Variants in ZCWPW2 observed in about 807,000 individuals in gnomAD.
ZCWPW2 encodes the protein zinc finger CW-type and PWWP domain containing 2.
A neutral mutation model predicts 46.6 loss-of-function variants in ZCWPW2; 45 were observed. The ratio of observed to expected loss-of-function variants is 0.96; its 90% CI spans 0.76 to 1.24. The LOEUF (loss-of-function observed/expected upper bound fraction) is 1.24. Ranked by LOEUF, ZCWPW2 falls within the 50% of genes most tolerant of loss-of-function variation. The probability of loss-of-function intolerance (pLI) is 0.00; values close to 1 mark genes in which losing one functional copy is unlikely to be tolerated. For synonymous variants in ZCWPW2, 152 were observed against 137.1 expected, an observed-to-expected ratio of 1.11 and a Z score of -0.76; for missense variants, 429 against 403.9, an observed-to-expected ratio of 1.06 and a Z score of -0.53.
chr3:28,370,386 G>A (rs1423673734), intron 1 of ZCWPW2, among the ~76,000 whole-genome samples: 5 of 152,176 alleles, frequency 3.3e-5, no homozygotes. Context: ...ATAAGTTGTG[G>A]TATATTTTCA....
intron 6 of ZCWPW2, among the ~76,000 whole-genome samples, chr3:28,501,071 A>T (rs527506146): frequency 6.6e-6 from 1 of 152,212 alleles, no homozygotes; most frequent in African/African-American, 2.4e-5. Context: ...GTTTTCAGAG[A>T]AGAAATTTTC....
Position 28,413,288 on chromosome 3 carries a change from T to A in ZCWPW2, c.220T>A (p.Ser74Thr), listed in dbSNP as rs765886832. The change falls in exon 3 of 10, where the codon TCT becomes ACT. Residue 74 changes from serine (S) to threonine (T), a missense_variant. Physicochemically the swap from Ser to Thr is moderately conservative, Grantham distance 58 (BLOSUM62 1). Coordinates refer to ENST00000383768, the MANE Select transcript of ZCWPW2 (RefSeq NM_001040432.4). The stretch of plus-strand genomic sequence containing the variant: ...TTCAAGATATAATAACTGCTCAATT[T>A]CTGAAGAAGACTTCCCTGAAGAGTC... Reference protein sequence around the residue: ...TDSRYNNCSISEEDFPEESQL... With the variant: ...TDSRYNNCSITEEDFPEESQL... 1 of 1,613,288 alleles carries A rather than the reference T, an allele frequency of 6.2e-7. No individual in the cohort carries two copies. Among genetic ancestry groups the A allele is most frequent in the East Asian group, 2.2e-5 (1 of 44,822 alleles).
chr3:28,507,512 T>A (rs4339073), intron 6 of ZCWPW2, among the ~76,000 whole-genome samples: 1 of 150,804 alleles, frequency 6.6e-6, no homozygotes, highest in Admixed American at 6.6e-5. Context: ...TTTGAGATGG[T>A]GTCTCCCTTT....
intron 1 of ZCWPW2, among the ~76,000 whole-genome samples, chr3:28,350,185 C>A (rs1489992285): frequency 6.6e-6 from 1 of 152,032 alleles, no homozygotes; most frequent in African/African-American, 2.4e-5. Flanking sequence ...TTTAAAACAA[C>A]CATTAGGTGT....
chr3:28,494,790 A>G (rs1699930271), intron 6 of ZCWPW2, among the ~76,000 whole-genome samples: 1 of 140,100 alleles, frequency 7.1e-6, no homozygotes, highest in South Asian at 2.5e-4. Context: ...AACAACAGAC[A>G]AACAGAGAGC....
chr3:28,389,587 CAAT>C (rs1271417244), intron 1 of ZCWPW2, among the ~76,000 whole-genome samples: 12 of 152,046 alleles, frequency 7.9e-5, no homozygotes, highest in Non-Finnish European at 1.3e-4. Flanking sequence ...AATCAGAGAC[CAAT>C]TACAGAATTC....
intron 6 of ZCWPW2, 46 bp from the exon 7 acceptor site, chr3:28,514,018 T>G: frequency 7.0e-7 from 1 of 1,424,556 alleles, no homozygotes; most frequent in Admixed American, 2.2e-5. Flanking sequence ...ACTGAGCTGA[T>G]TTAGTCCTAT....
intron 6 of ZCWPW2, among the ~76,000 whole-genome samples, chr3:28,507,490 TC>T (rs1180893353): frequency 4.6e-5 from 7 of 151,328 alleles, no homozygotes; most frequent in Non-Finnish European, 7.4e-5. Context: ...TTATCAATAT[TC>T]TTTTTTTTTT....
At chr3:28,511,818 G>A (rs1357556002) in intron 6 of ZCWPW2, among the ~76,000 whole-genome samples, 2 of 151,676 alleles carry the variant, frequency 1.3e-5, no homozygotes, top group South Asian at 2.1e-4. Flanking sequence ...ACTTCTTTTT[G>A]ATTTTTCTAG....
intron 1 of ZCWPW2, among the ~76,000 whole-genome samples, chr3:28,355,605 CA>C (rs773535979): frequency 7.2e-5 from 11 of 152,214 alleles, no homozygotes; most frequent in Non-Finnish European, 1.2e-4. Context: ...AACTATACTG[CA>C]AGGCTACAGT....
At chr3:28,420,123 T>G (rs1330395009) in intron 3 of ZCWPW2, among the ~76,000 whole-genome samples, 1 of 152,122 alleles carries the variant, frequency 6.6e-6, no homozygotes, top group Non-Finnish European at 1.5e-5. Flanking sequence ...AAGGGGTTTT[T>G]GTGTCTGTAT....
Sources: allele counts gnomAD v4.1 joint callset (sites outside exome capture counted in the v4.1 genomes callset), GRCh38; gene constraint gnomAD v4.1.1; transcripts MANE v1.5; gene names NCBI Gene and HGNC (gene_info 2026-07-23, HGNC 2026-07-21).